Variants in BRF1 observed in about 807,000 individuals in gnomAD.
BRF1 encodes the protein transcription factor IIIB 90 kDa subunit.
Under a neutral mutation model 81.7 loss-of-function variants are expected in BRF1, and 59 were observed. The ratio of observed to expected loss-of-function variants is 0.72; its 90% confidence interval spans 0.59 to 0.90. The LOEUF is 0.90. Ranked by LOEUF, BRF1 falls within the 40% of genes least tolerant of loss-of-function variation. The pLI is 0.00. For synonymous variants in BRF1, 491 were observed against 395.6 expected, an observed-to-expected ratio of 1.24 and a Z score of -2.86; for missense variants, 1,050 against 936.3, an observed-to-expected ratio of 1.12 and a Z score of -1.58.
chr14:105,222,794 A>G (rs1380827419), intron 10 of BRF1, among the ~76,000 whole-genome samples: 1 of 152,022 alleles, frequency 6.6e-6, no homozygotes, highest in Non-Finnish European at 1.5e-5. Context: ...ACACCCGGCT[A>G]ATTTTTTGTA....
chr14:105,255,637 C>A (rs1301881990), intron 4 of BRF1, among the ~76,000 whole-genome samples: 14 of 152,232 alleles, frequency 9.2e-5, no homozygotes, highest in Admixed American at 9.2e-4. Context: ...GTGCAGCCCC[C>A]AGCACCGTCC....
rs775794426 is a variant in BRF1, at chr14:105,256,539, C to T, written c.450G>A (p.Leu150=). Residue 150 remains leucine, a synonymous_variant, in exon 4 of 18, where the codon CTG becomes CTA. Transcript: ENST00000547530. ...CTACCTGGAGCAGGTCGCTGAGGTC[C>T]AGGAGCATGTCTGCAGCAGGAGTCA... The part of the protein sequence containing the change: ...CRTEGTPHML[L]DLSDLLQVNV... 4.3e-6 allele frequency: 7 copies of T among 1,613,938 alleles called. No individual in the cohort carries two copies. In the East Asian group the frequency reaches 1.1e-4, roughly 26 times the overall value.
intron 14 of BRF1, among the ~76,000 whole-genome samples, chr14:105,218,601 G>C (rs587600044): frequency 1.3e-5 from 2 of 152,360 alleles, no homozygotes; most frequent in African/African-American, 2.4e-5. Flanking sequence ...CAGAGAGTAA[G>C]CTGGCAGAGC....
intron 3 of BRF1, among the ~76,000 whole-genome samples, chr14:105,258,566 G>C (rs1258980595): frequency 1.3e-5 from 2 of 151,296 alleles, no homozygotes; most frequent in Non-Finnish European, 2.9e-5. Context: ...GGGAGGCCGA[G>C]GTGGGAGGAT....
intron 5 of BRF1, among the ~76,000 whole-genome samples, chr14:105,244,657 G>C (rs1294582509): frequency 6.6e-6 from 1 of 152,016 alleles, no homozygotes; most frequent in Non-Finnish European, 1.5e-5. Flanking sequence ...AGAATTAAAT[G>C]AAGGAAAAAC....
chr14:105,212,115 C>G lies in BRF1; in HGVS notation c.1822G>C (p.Glu608Gln), dbSNP rs753542257. The G allele has an allele frequency of 6.2e-7, 1 of 1,612,738 alleles. No individual in the cohort carries two copies. The highest frequency in any genetic ancestry group is 8.5e-7 in the Non-Finnish European group (1 of 1,179,696). The part of the protein sequence containing the change: ...TQPAKKVATG[E>Q]ALLPSSPTLG... The stretch of plus-strand genomic sequence containing the variant: ...CCTGGCTGCGTGGGACAACACACCT[C>G]TCCCGTGGCCACCTTCTTTGCTGGC... The change falls in exon 16 of 18, where the codon GAG (glutamate) becomes CAG (glutamine). Residue 608 changes from glutamate (E) to glutamine (Q), a missense_variant and splice_region_variant. Physicochemically the swap from Glu to Gln is conservative, Grantham distance 29. Transcript: ENST00000547530.
chr14:105,211,006 A>G, intron 17 of BRF1, 116 bp downstream of exon 17: 1 of 1,487,454 alleles, frequency 6.7e-7, no homozygotes, highest in South Asian at 1.3e-5. Context: ...ATTTCTTTCC[A>G]GGGAGAAACA....
chr14:105,212,565 C>A (rs1260886803), intron 15 of BRF1: 1 of 208,156 alleles, frequency 4.8e-6, no homozygotes, highest in Non-Finnish European at 9.7e-6. Context: ...AGGGCAATCC[C>A]TACATCTGCT....
intron 15 of BRF1, 105 bp downstream of exon 15, chr14:105,217,439 T>C (rs939630670): frequency 3.7e-5 from 57 of 1,530,922 alleles, no homozygotes; most frequent in Non-Finnish European, 4.8e-5. Flanking sequence ...CTCCAGGCAC[T>C]TCTGTGGCCC....
intron 4 of BRF1, among the ~76,000 whole-genome samples, chr14:105,254,172 T>A (rs2055754266): frequency 6.6e-6 from 1 of 152,222 alleles, no homozygotes; most frequent in Non-Finnish European, 1.5e-5. Context: ...ACCTGAACAC[T>A]GCAAGTGAGG....
At position 105,271,639 on chromosome 14, in the gene BRF1, T is replaced by C. The variant is rs587663475; in HGVS notation, c.439+1082A>G. On this transcript the variant is annotated intron_variant, in intron 3 of 17. Transcript: ENST00000547530. This position sits in a 1 kb window ranked among gnomAD's most constrained non-coding sequence, Gnocchi z 5.5. ...AAAAGATGCAGGTGCACAGCAGGTG[T>C]GGACAGCACAGCACAGAGCAGAGGA... Among the ~76,000 whole-genome samples the C allele has an allele frequency of 6.6e-6, 1 of 152,264 alleles. No homozygotes were observed. Among genetic ancestry groups the C allele is most frequent in the South Asian group, 2.1e-4 (1 of 4,822 alleles).
chr14:105,314,734 G>A (rs2058485677), intron 1 of BRF1: 2 of 145,336 alleles, frequency 1.4e-5, no homozygotes, highest in Non-Finnish European at 3.0e-5. Context: ...CGGGCGGGGC[G>A]GGGCGGAGCG....
chr14:105,263,710 G>C (rs587668385), intron 3 of BRF1, among the ~76,000 whole-genome samples: 24 of 152,232 alleles, frequency 1.6e-4, no homozygotes, highest in Non-Finnish European at 2.1e-4. Flanking sequence ...CGGACCACGA[G>C]GTCAGGAGAT....
intron 16 of BRF1, 59 bp from the exon 17 acceptor site, chr14:105,211,352 AC>A: frequency 1.4e-6 from 2 of 1,409,614 alleles, no homozygotes; most frequent in Non-Finnish European, 1.9e-6. Flanking sequence ...ATCTCAACAG[AC>A]CCCTCAGACC....
chr14:105,220,074 C>G lies in BRF1; in HGVS notation c.1372G>C (p.Asp458His). 6.2e-7 allele frequency: 1 copy of G among 1,612,962 alleles called. No homozygotes were observed. Among genetic ancestry groups the G allele is most frequent in the Non-Finnish European group, 8.5e-7 (1 of 1,180,016 alleles). ...DLSGIDDLEI[D>H]RYILNESEAR... is the part of the protein sequence containing the mutation. ...GAAGGGGTGCTGCCACGTACCCTGT[C>G]AATCTCCAGGTCATCAATGCCACTG... The change falls in exon 12 of 18, where the codon GAC (aspartate) becomes CAC (histidine). Residue 458 changes from aspartate to histidine, a missense_variant. Physicochemically the swap from Asp to His is moderately conservative, Grantham distance 81. Around this residue, in one of 2 missense-constraint regions of BRF1, gnomAD observed 1,043 missense variants for 915.4 expected, o/e 1.14. Coordinates refer to ENST00000547530, the MANE Select transcript of BRF1 (RefSeq NM_001519.4).
At chr14:105,263,095 G>C (rs2056230690) in intron 3 of BRF1, among the ~76,000 whole-genome samples, 1 of 152,064 alleles carries the variant, frequency 6.6e-6, no homozygotes, top group African/African-American at 2.4e-5. Context: ...AAGTTAGCCA[G>C]GCATGGTGGT....
intron 6 of BRF1, 71 bp downstream of exon 6, chr14:105,241,194 A>T (rs1458277538): frequency 9.5e-6 from 15 of 1,582,334 alleles, no homozygotes; most frequent in Non-Finnish European, 1.3e-5. Context: ...GCCCACCAGC[A>T]CTCAGGAGTC....
At chr14:105,298,666 C>A (rs984566278) in intron 1 of BRF1, among the ~76,000 whole-genome samples, 1 of 150,982 alleles carries the variant, frequency 6.6e-6, no homozygotes, top group South Asian at 2.1e-4. Flanking sequence ...ACCAGCCTGA[C>A]GAACAGGGTG....
chr14:105,295,453 C>T (rs1197051960), intron 1 of BRF1, among the ~76,000 whole-genome samples: 2 of 151,276 alleles, frequency 1.3e-5, no homozygotes, highest in Non-Finnish European at 2.9e-5. Flanking sequence ...AAGAAAAATA[C>T]AAAAATTAGC....
Sources: allele counts gnomAD v4.1 joint callset (sites outside exome capture counted in the v4.1 genomes callset), GRCh38; gene constraint gnomAD v4.1.1; regional missense constraint gnomAD v4.1.1; non-coding constraint Gnocchi (gnomAD v3.1); transcripts MANE v1.5; gene names NCBI Gene and HGNC (gene_info 2026-07-23, HGNC 2026-07-21).